The following COL26A1 variants were observed in gnomAD, a reference collection of about 807,000 sequenced individuals.
The protein encoded by COL26A1 is collagen alpha-1(XXVI) chain.
In COL26A1, 41 loss-of-function variants were observed where a neutral mutation model predicts 59.3. The ratio of observed to expected loss-of-function variants is 0.69; its 90% confidence interval spans 0.54 to 0.90. The LOEUF (loss-of-function observed/expected upper bound fraction) is 0.90, where lower values mean the gene tolerates loss of function less well. Among genes scored for constraint, COL26A1 ranks in the 40% least tolerant of loss-of-function variants. COL26A1 has a pLI of 0.00. For missense variants in COL26A1, 612 were observed against 602.3 expected (o/e 1.02, Z -0.17); for synonymous variants, 266 against 256.0 (o/e 1.04, Z -0.37).
intron 12 of COL26A1, 79 bp downstream of exon 12, chr7:101,555,950 C>T (rs922032763): frequency 5.6e-6 from 7 of 1,249,500 alleles, no homozygotes; most frequent in Non-Finnish European, 7.9e-6. Flanking sequence ...ATGGCTGCTG[C>T]CTAGGGTCTC....
At chr7:101,420,278 T>C (rs1300209549) in intron 2 of COL26A1, among the ~76,000 whole-genome samples, 179 bp downstream of exon 2, 1 of 152,164 alleles carries the variant, frequency 6.6e-6, no homozygotes, top group Non-Finnish European at 1.5e-5. Context: ...TATATGTGTG[T>C]GTGCAAAGAT....
intron 2 of COL26A1, among the ~76,000 whole-genome samples, chr7:101,424,296 T>G (rs982355621): frequency 6.6e-6 from 1 of 152,188 alleles, no homozygotes; most frequent in Non-Finnish European, 1.5e-5. Context: ...TCTGCTGTTA[T>G]TATATTTTAC....
intron 1 of COL26A1, among the ~76,000 whole-genome samples, chr7:101,366,411 A>G (rs1219488627): frequency 6.7e-6 from 1 of 148,506 alleles, no homozygotes; most frequent in Non-Finnish European, 1.5e-5. Context: ...GGCAATGATG[A>G]CAGGGCTGTT....
intron 4 of COL26A1, among the ~76,000 whole-genome samples, chr7:101,534,237 A>T (rs542814088): frequency 6.6e-6 from 1 of 152,312 alleles, no homozygotes; most frequent in African/African-American, 2.4e-5. Context: ...TGTGGTGACC[A>T]GAGCACGTGG....
chr7:101,500,883 T>C (rs1794690073), intron 3 of COL26A1, among the ~76,000 whole-genome samples: 1 of 150,420 alleles, frequency 6.6e-6, no homozygotes, highest in African/African-American at 2.4e-5. Context: ...CTAAATGAGG[T>C]TGTTAGAAAT....
chr7:101,481,699 C>T (rs1276344896), intron 3 of COL26A1, among the ~76,000 whole-genome samples: 1 of 151,688 alleles, frequency 6.6e-6, no homozygotes, highest in Non-Finnish European at 1.5e-5. Context: ...AATCCTCCTG[C>T]CTCAGTCTCC....
intron 4 of COL26A1, among the ~76,000 whole-genome samples, chr7:101,534,265 G>A (rs116737671): frequency 0.12 from 17,305 of 148,218 alleles, 1,204 homozygotes; most frequent in Middle Eastern, 0.22. Context: ...CAGAGAGAGT[G>A]TGTGAACAGG....
intron 1 of COL26A1, among the ~76,000 whole-genome samples, chr7:101,387,750 A>T (rs1384122707): frequency 5.2e-4 from 52 of 99,130 alleles, no homozygotes; most frequent in African/African-American, 2.2e-3. Context: ...ATATATATAT[A>T]TATTTATATA....
chr7:101,555,926 C>A, intron 12 of COL26A1, 55 bp downstream of exon 12: 2 of 1,429,116 alleles, frequency 1.4e-6, no homozygotes, highest in Non-Finnish European at 1.9e-6. Flanking sequence ...CCTTCCTCTC[C>A]CAATGCTGCC....
chr7:101,485,161 A>G (rs1432975400), intron 3 of COL26A1, among the ~76,000 whole-genome samples: 5 of 152,172 alleles, frequency 3.3e-5, no homozygotes, highest in Non-Finnish European at 5.9e-5. Flanking sequence ...CTCACATCAT[A>G]TATTTCTACC....
chr7:101,494,083 G>T (rs1459261053), intron 3 of COL26A1, among the ~76,000 whole-genome samples: 2 of 147,896 alleles, frequency 1.4e-5, no homozygotes, highest in Non-Finnish European at 3.0e-5. Flanking sequence ...GTGTGAATTC[G>T]ATTGGGAACG....
chr7:101,407,268 C>T (rs1006323402), intron 1 of COL26A1, among the ~76,000 whole-genome samples: 1 of 152,174 alleles, frequency 6.6e-6, no homozygotes, highest in Admixed American at 6.5e-5. Context: ...AACTCCCCTA[C>T]AGGATGTTGG....
chr7:101,376,818 T>A (rs1485447602), intron 1 of COL26A1, among the ~76,000 whole-genome samples: 1 of 152,164 alleles, frequency 6.6e-6, no homozygotes, highest in Non-Finnish European at 1.5e-5. Context: ...CAGATGCCTG[T>A]GGTGAGGACT....
chr7:101,372,261 G>T (rs1584347999), intron 1 of COL26A1, among the ~76,000 whole-genome samples: 1 of 152,034 alleles, frequency 6.6e-6, no homozygotes, highest in Admixed American at 6.6e-5. Context: ...CGCCTCCAGG[G>T]TTCAAGCGAT....
At chr7:101,554,164 T>G (rs1795918908) in intron 11 of COL26A1, among the ~76,000 whole-genome samples, 1 of 150,210 alleles carries the variant, frequency 6.7e-6, no homozygotes, top group African/African-American at 2.5e-5. Flanking sequence ...TGCGTGGGGG[T>G]GCCACTGAGA....
chr7:101,455,179 A>G lies in COL26A1; in HGVS notation c.385+7392A>G, dbSNP rs553615210. Among the ~76,000 whole-genome samples, 4 of 151,544 alleles carry G rather than the reference A, an allele frequency of 2.6e-5. No individual in the cohort carries two copies. In the South Asian group the frequency reaches 8.3e-4, roughly 32 times the overall value. On this transcript the variant is annotated intron_variant, in intron 3 of 12. Transcript: ENST00000313669. ...CACCTCAGCCTCCCAAGTAGCTGGGACTACGGGCATGAACCACCACACCTG... is the reference window on the plus strand; with the variant it reads ...CACCTCAGCCTCCCAAGTAGCTGGGGCTACGGGCATGAACCACCACACCTG...
intron 4 of COL26A1, among the ~76,000 whole-genome samples, chr7:101,536,485 G>T (rs962969577): frequency 6.6e-6 from 1 of 152,256 alleles, no homozygotes; most frequent in Admixed American, 6.5e-5. Context: ...TTTCAGCTTA[G>T]ATCAGAGGCT....
intron 1 of COL26A1, among the ~76,000 whole-genome samples, chr7:101,378,776 G>C (rs1244121033): frequency 1.3e-5 from 2 of 152,046 alleles, no homozygotes; most frequent in Non-Finnish European, 2.9e-5. Flanking sequence ...GGAAATGCAA[G>C]GACTCTGCGG....
At chr7:101,469,808 C>T (rs1793851723) in intron 3 of COL26A1, among the ~76,000 whole-genome samples, 1 of 151,888 alleles carries the variant, frequency 6.6e-6, no homozygotes, top group Non-Finnish European at 1.5e-5. Context: ...CGATTTCTGC[C>T]TCATGTTTGG....
Sources: gnomAD v4.1 joint callset for allele counts (sites outside exome capture counted in the v4.1 genomes callset) on GRCh38, gnomAD v4.1.1 for gene constraint, MANE v1.5 for transcripts, NCBI Gene and HGNC (gene_info 2026-07-23, HGNC 2026-07-21) for gene names.